PTPRT: variants seen among roughly 807,000 people sequenced by gnomAD.
The protein encoded by PTPRT is protein tyrosine phosphatase receptor type T.
PTPRT carries 56 observed loss-of-function variants against 176.8 expected under a neutral mutation model. The observed-to-expected ratio is 0.32, with a 90% CI of 0.26 to 0.40. The LOEUF (loss-of-function observed/expected upper bound fraction) is 0.40. PTPRT is among the 10% of genes least tolerant of loss of function. The pLI is 1.00. For missense variants in PTPRT, 1,540 were observed against 1,908.2 expected (o/e 0.81, Z 3.60); for synonymous variants, 783 against 739.0 (o/e 1.06, Z -0.96).
chr20:42,924,496 A>T (rs1979358166), intron 1 of PTPRT, among the ~76,000 whole-genome samples: 1 of 152,154 alleles, frequency 6.6e-6, no homozygotes, highest in Non-Finnish European at 1.5e-5. Flanking sequence ...AAGGAGCAAA[A>T]TTGGTGAGAG....
chr20:42,328,161 T>C (rs1023516720), intron 11 of PTPRT, among the ~76,000 whole-genome samples: 31 of 152,254 alleles, frequency 2.0e-4, no homozygotes, highest in African/African-American at 7.5e-4. Flanking sequence ...TTAGAAACTA[T>C]TACTGTGAGA....
intron 1 of PTPRT, among the ~76,000 whole-genome samples, chr20:42,949,531 A>C (rs1981097478): frequency 6.6e-6 from 1 of 152,216 alleles, no homozygotes; most frequent in Non-Finnish European, 1.5e-5. Flanking sequence ...CTTGAAGAAG[A>C]AGCAAGGTTC....
intron 7 of PTPRT, among the ~76,000 whole-genome samples, chr20:42,668,165 A>G (rs914519331): frequency 6.6e-6 from 1 of 151,972 alleles, no homozygotes; most frequent in Non-Finnish European, 1.5e-5. Flanking sequence ...TAAACAATTG[A>G]TTTTTTCCCT....
At chr20:42,979,787 G>T (rs1312542522) in intron 1 of PTPRT, among the ~76,000 whole-genome samples, 1 of 151,930 alleles carries the variant, frequency 6.6e-6, no homozygotes, top group African/African-American at 2.4e-5. Flanking sequence ...ATAAAACTTT[G>T]GTCTAAAGGT....
intron 1 of PTPRT, among the ~76,000 whole-genome samples, chr20:42,965,491 T>C (rs752606697): frequency 1.8e-4 from 27 of 152,208 alleles, no homozygotes; most frequent in Non-Finnish European, 3.7e-4. Flanking sequence ...GTGTATATAG[T>C]TGTAGGTTTC....
intron 1 of PTPRT, among the ~76,000 whole-genome samples, chr20:43,183,441 G>A (rs1375692865): frequency 6.6e-6 from 1 of 152,120 alleles, no homozygotes; most frequent in Admixed American, 6.5e-5. Context: ...ACTTATCAAG[G>A]CCACATCACA....
intron 5 of PTPRT, among the ~76,000 whole-genome samples, chr20:42,764,013 C>T (rs1251949545): frequency 6.6e-6 from 1 of 152,158 alleles, no homozygotes; most frequent in Non-Finnish European, 1.5e-5. Flanking sequence ...CCAGAAGTTT[C>T]ATGTCTTCTG....
intron 1 of PTPRT, among the ~76,000 whole-genome samples, chr20:43,054,879 T>C (rs1600678109): frequency 6.6e-6 from 1 of 152,148 alleles, no homozygotes; most frequent in East Asian, 1.9e-4. Flanking sequence ...TGATACTTGG[T>C]AGAGGACAAA....
intron 12 of PTPRT, among the ~76,000 whole-genome samples, chr20:42,301,866 T>G (rs1256665220): frequency 6.6e-6 from 1 of 152,158 alleles, no homozygotes; most frequent in Non-Finnish European, 1.5e-5. Flanking sequence ...AAAACAAATT[T>G]GACGATGGGT....
intron 1 of PTPRT, among the ~76,000 whole-genome samples, chr20:43,138,066 T>C (rs1600740071): frequency 6.6e-6 from 1 of 152,160 alleles, no homozygotes; most frequent in East Asian, 1.9e-4. Context: ...AGCTGACCTC[T>C]GTTGTGAGGA....
At chr20:42,978,219 A>C (rs1043315713) in intron 1 of PTPRT, among the ~76,000 whole-genome samples, 2 of 152,232 alleles carry the variant, frequency 1.3e-5, no homozygotes, top group African/African-American at 4.8e-5. Flanking sequence ...TTAATAACTA[A>C]TAATAAAGTA....
chr20:42,263,608 T>TGAC (rs1426011371), intron 13 of PTPRT, among the ~76,000 whole-genome samples: 1 of 151,632 alleles, frequency 6.6e-6, no homozygotes, highest in Non-Finnish European at 1.5e-5. Flanking sequence ...CTAGAACTCC[T>TGAC]GACCTCATGA....
intron 9 of PTPRT, among the ~76,000 whole-genome samples, chr20:42,383,324 C>A (rs1166047879): frequency 6.6e-6 from 1 of 151,882 alleles, no homozygotes; most frequent in Non-Finnish European, 1.5e-5. Context: ...GGACTGGATG[C>A]TGTGATCCAT....
intron 13 of PTPRT, among the ~76,000 whole-genome samples, chr20:42,271,086 C>T (rs571707351): frequency 6.6e-6 from 1 of 152,286 alleles, no homozygotes; most frequent in South Asian, 2.1e-4. Flanking sequence ...TGAAATACAA[C>T]AGTGCTGCCT....
intron 17 of PTPRT, among the ~76,000 whole-genome samples, chr20:42,142,652 T>G (rs1988683550): frequency 6.6e-6 from 1 of 152,254 alleles, no homozygotes; most frequent in East Asian, 1.9e-4. Flanking sequence ...CTATGTTTTT[T>G]CTTATACATA....
Position 42,079,925 on chromosome 20 carries a change from C to G in PTPRT, c.*954G>C, listed in dbSNP as rs1233734430. 2 of 232,482 alleles carry G rather than the reference C, an allele frequency of 8.6e-6. No individual in the cohort carries two copies. The highest frequency in any genetic ancestry group is 1.2e-4 in the East Asian group (2 of 16,488). 14.4% of individuals were successfully genotyped at this position (232,482 alleles called of 1,614,324 possible). On this transcript the variant is annotated 3_prime_UTR_variant, in exon 31 of 31. Transcript: ENST00000373187. The stretch of plus-strand genomic sequence containing the variant: ...AGAGGTACATACTCAAACTCCCCCG[C>G]CCCCTTCTTTTTGACATAAGAGACT...
At chr20:42,421,793 C>A (rs1163899920) in intron 9 of PTPRT, among the ~76,000 whole-genome samples, 3 of 152,170 alleles carry the variant, frequency 2.0e-5, no homozygotes, top group Non-Finnish European at 2.9e-5. Context: ...CACTATCCAA[C>A]TTCAAACTAT....
the PTPRT span, among the ~76,000 whole-genome samples, chr20:42,040,140 G>A: frequency 2.0e-5 from 3 of 152,014 alleles, no homozygotes; most frequent in Non-Finnish European, 4.4e-5. Flanking sequence ...CATTCTAACA[G>A]GTGTGATATC....
chr20:42,208,360 G>C (rs1312696561), intron 15 of PTPRT, among the ~76,000 whole-genome samples: 12 of 151,722 alleles, frequency 7.9e-5, no homozygotes, highest in Admixed American at 7.9e-4. Flanking sequence ...GTTGGATAAA[G>C]AGTCAAGACT....
Sources: gnomAD v4.1 joint callset for allele counts (sites outside exome capture counted in the v4.1 genomes callset) on GRCh38, gnomAD v4.1.1 for gene constraint, MANE v1.5 for transcripts, NCBI Gene and HGNC (gene_info 2026-07-23, HGNC 2026-07-21) for gene names.